GPC5: variants seen among roughly 807,000 people sequenced by gnomAD.
GPC5 encodes glypican 5, also known as glypican-5.
A neutral mutation model predicts 53.9 loss-of-function variants in GPC5; 47 were observed. The ratio of observed to expected loss-of-function variants is 0.87; its 90% CI spans 0.69 to 1.11. The LOEUF is 1.11. GPC5 is among the 50% of genes most tolerant of loss of function. GPC5 has a pLI of 0.00. For synonymous variants in GPC5, 286 were observed against 263.3 expected (o/e 1.09, Z -0.84); for missense variants, 748 against 713.1 (o/e 1.05, Z -0.56).
intron 7 of GPC5, among the ~76,000 whole-genome samples, chr13:92,306,072 A>C (rs528427031): frequency 3.9e-5 from 6 of 152,324 alleles, no homozygotes; most frequent in Admixed American, 6.5e-5. Flanking sequence ...TGTGACTTTT[A>C]AGAGATTGTT....
At chr13:92,845,259 G>A (rs947102983) in intron 7 of GPC5, among the ~76,000 whole-genome samples, 6 of 152,012 alleles carry the variant, frequency 3.9e-5, no homozygotes, top group East Asian at 1.9e-4. Context: ...AGAAAATAAC[G>A]TCCAGAGAAA....
intron 5 of GPC5, among the ~76,000 whole-genome samples, chr13:91,888,571 TG>T (rs1157689568): frequency 6.6e-6 from 1 of 152,204 alleles, no homozygotes; most frequent in Non-Finnish European, 1.5e-5. Flanking sequence ...GTATCTTGTC[TG>T]GCTTATTGTA....
intron 7 of GPC5, among the ~76,000 whole-genome samples, chr13:92,294,648 A>T (rs556625799): frequency 3.3e-4 from 50 of 151,932 alleles, no homozygotes; most frequent in Non-Finnish European, 6.5e-4. Flanking sequence ...TGTTCAAAGA[A>T]CCAGCTATTT....
At chr13:92,516,238 C>G (rs1028599699) in intron 7 of GPC5, among the ~76,000 whole-genome samples, 1 of 151,774 alleles carries the variant, frequency 6.6e-6, no homozygotes, top group Non-Finnish European at 1.5e-5. Context: ...ATACTGAGGT[C>G]TACACAAGAA....
chr13:92,080,768 G>C (rs2041288694), intron 6 of GPC5, among the ~76,000 whole-genome samples: 1 of 152,198 alleles, frequency 6.6e-6, no homozygotes, highest in Non-Finnish European at 1.5e-5. Context: ...AATATGGCCT[G>C]TGATATTTGT....
chr13:92,398,428 C>CAA (rs35873316), intron 7 of GPC5, among the ~76,000 whole-genome samples: 8,582 of 87,368 alleles, frequency 0.098, 552 homozygotes, highest in Admixed American at 0.12. Flanking sequence ...GACTCCGTCT[C>CAA]AAAAAAAAAA....
At chr13:91,656,796 C>A (rs910993310) in intron 2 of GPC5, among the ~76,000 whole-genome samples, 1 of 152,226 alleles carries the variant, frequency 6.6e-6, no homozygotes, top group African/African-American at 2.4e-5. Flanking sequence ...CCTGCTATAC[C>A]AATTGTGTTT....
intron 5 of GPC5, among the ~76,000 whole-genome samples, chr13:91,907,167 C>T (rs2039561851): frequency 6.7e-6 from 1 of 148,864 alleles, no homozygotes; most frequent in African/African-American, 2.4e-5. Context: ...TGTTTTCCTT[C>T]TACTGTTTGT....
chr13:92,044,987 G>T (rs2040970211), intron 6 of GPC5, among the ~76,000 whole-genome samples: 1 of 152,072 alleles, frequency 6.6e-6, no homozygotes, highest in Non-Finnish European at 1.5e-5. Flanking sequence ...TCATATTTCT[G>T]AACCTATTTG....
At chr13:91,770,738 G>GTGTGTA (rs760021941) in intron 5 of GPC5, among the ~76,000 whole-genome samples, 2 of 149,316 alleles carry the variant, frequency 1.3e-5, no homozygotes, top group African/African-American at 5.0e-5. Flanking sequence ...GTGTGTGTGT[G>GTGTGTA]TATGCATATG....
intron 2 of GPC5, among the ~76,000 whole-genome samples, chr13:91,687,536 A>G (rs2035648664): frequency 6.6e-6 from 1 of 152,058 alleles, no homozygotes; most frequent in Non-Finnish European, 1.5e-5. Context: ...AAATGATTTT[A>G]TGTGTAGATA....
At chr13:92,792,098 C>T (rs913927560) in intron 7 of GPC5, among the ~76,000 whole-genome samples, 9 of 151,972 alleles carry the variant, frequency 5.9e-5, no homozygotes, top group Admixed American at 4.6e-4. Flanking sequence ...AACCCCAAGA[C>T]ACATAATTGT....
chr13:92,339,500 A>T (rs555109100), intron 7 of GPC5, among the ~76,000 whole-genome samples: 6 of 152,090 alleles, frequency 3.9e-5, no homozygotes, highest in Non-Finnish European at 7.4e-5. Context: ...TATAACGTTA[A>T]CTACACTTCT....
At chr13:92,468,218 GAAACC>G (rs1878775546) in intron 7 of GPC5, among the ~76,000 whole-genome samples, 1 of 152,032 alleles carries the variant, frequency 6.6e-6, no homozygotes, top group South Asian at 2.1e-4. Context: ...CCAGGTGTTG[GAAACC>G]AGATAATACA....
chr13:91,794,586 G>A (rs1222755501), intron 5 of GPC5, among the ~76,000 whole-genome samples: 1 of 152,182 alleles, frequency 6.6e-6, no homozygotes, highest in Non-Finnish European at 1.5e-5. Context: ...GATGGCTCCT[G>A]TTAATTTTGG....
At chr13:91,973,459 T>A (rs2139095423) in intron 6 of GPC5, among the ~76,000 whole-genome samples, 1 of 152,340 alleles carries the variant, frequency 6.6e-6, no homozygotes, top group Middle Eastern at 3.4e-3. Flanking sequence ...AGCCTTCTTC[T>A]CTCAACTCGT....
intron 7 of GPC5, among the ~76,000 whole-genome samples, chr13:92,839,042 G>A (rs1594541064): frequency 6.6e-6 from 1 of 152,282 alleles, no homozygotes; most frequent in Non-Finnish European, 1.5e-5. Flanking sequence ...GAGACTAATA[G>A]GAACTTAAAC....
At chr13:91,520,926 A>T (rs1430201157) in intron 2 of GPC5, among the ~76,000 whole-genome samples, 1 of 152,160 alleles carries the variant, frequency 6.6e-6, no homozygotes, top group Non-Finnish European at 1.5e-5. Context: ...CATCCTTACA[A>T]TTTAATGATT....
chr13:91,841,841 G>A (rs1594610245), intron 5 of GPC5, among the ~76,000 whole-genome samples: 1 of 152,150 alleles, frequency 6.6e-6, no homozygotes, highest in African/African-American at 2.4e-5. Context: ...GAGCATATGG[G>A]CAGTTTGAGG....
Sources: allele counts gnomAD v4.1 joint callset (sites outside exome capture counted in the v4.1 genomes callset), GRCh38; gene constraint gnomAD v4.1.1; transcripts MANE v1.5; gene names NCBI Gene and HGNC (gene_info 2026-07-23, HGNC 2026-07-21).